Variants in ITGAE observed in about 807,000 individuals in gnomAD.
The protein encoded by ITGAE is integrin alpha-E.
Under a neutral mutation model 136.5 loss-of-function variants are expected in ITGAE, and 99 were observed. The ratio of observed to expected loss-of-function variants is 0.73; its 90% confidence interval spans 0.62 to 0.86. ITGAE has a LOEUF of 0.86. ITGAE is among the 40% of genes least tolerant of loss of function. The pLI is 0.00. For synonymous variants in ITGAE, 613 were observed against 591.8 expected (o/e 1.04, Z -0.52); for missense variants, 1,447 against 1,515.3 (o/e 0.95, Z 0.75).
chr17:3,784,858 A>C (rs1027120831), intron 1 of ITGAE, among the ~76,000 whole-genome samples: 13 of 152,242 alleles, frequency 8.5e-5, no homozygotes, highest in African/African-American at 3.1e-4. Flanking sequence ...GAGGTCCAGC[A>C]CAGTGGCTCG....
At chr17:3,787,726 C>T (rs1466034473) in intron 1 of ITGAE, among the ~76,000 whole-genome samples, 2 of 149,782 alleles carry the variant, frequency 1.3e-5, no homozygotes, top group Middle Eastern at 6.9e-3. Flanking sequence ...TTTGCTCCGT[C>T]GCCCAGGCTG....
chr17:3,788,456 A>ATTTTTTTTT (rs71155804), intron 1 of ITGAE, among the ~76,000 whole-genome samples: 2 of 103,260 alleles, frequency 1.9e-5, no homozygotes, highest in Non-Finnish European at 4.0e-5. Flanking sequence ...GACCTGACTA[A>ATTTTTTTTT]TTTTTTTTTT....
rs1398451545 is a variant in ITGAE at position 3,755,869 on chromosome 17, C to T, written c.1200G>A (p.Gln400=). The stretch of plus-strand genomic sequence containing the variant: ...GAGCACTGAAGCCAATCTGTGCCAG[C>T]TGGTAGTGAAGGGCGTCTCCAACCG... ...EGTVGDALHY[Q]LAQIGFSAQI... The change falls in exon 11 of 31, where the codon CAG becomes CAA. Residue 400 remains glutamine, a synonymous_variant. Transcript: ENST00000263087. 1 of 1,600,848 alleles carries T rather than the reference C, an allele frequency of 6.2e-7. No homozygotes were observed. The highest frequency in any genetic ancestry group is 1.7e-4 in the Middle Eastern group (1 of 5,904).
intron 1 of ITGAE, among the ~76,000 whole-genome samples, chr17:3,786,030 G>A (rs964111193): frequency 1.3e-5 from 2 of 151,918 alleles, no homozygotes; most frequent in Non-Finnish European, 2.9e-5. Context: ...AGCCGGGCGT[G>A]GTGGCGGGCG....
chr17:3,763,836 G>A (rs139815273), intron 3 of ITGAE, 33 bp downstream of exon 3: 1 of 1,551,804 alleles, frequency 6.4e-7, no homozygotes, highest in Non-Finnish European at 8.9e-7. Context: ...AGGGGGTCCT[G>A]GGGAGCATTC....
intron 1 of ITGAE, among the ~76,000 whole-genome samples, chr17:3,779,555 C>A (rs1478407066): frequency 6.6e-6 from 1 of 152,150 alleles, no homozygotes; most frequent in African/African-American, 2.4e-5. Context: ...TTTCGAACTC[C>A]TGACCTCAAG....
chr17:3,760,854 C>T (rs1228687983), intron 6 of ITGAE, among the ~76,000 whole-genome samples, 159 bp downstream of exon 6: 1 of 152,098 alleles, frequency 6.6e-6, no homozygotes, highest in East Asian at 1.9e-4. Context: ...AGTTTCCCCA[C>T]TTATAAGAAA....
intron 1 of ITGAE, among the ~76,000 whole-genome samples, chr17:3,788,394 G>GT (rs1489671059): frequency 6.7e-6 from 1 of 149,628 alleles, no homozygotes; most frequent in Non-Finnish European, 1.5e-5. Flanking sequence ...GGCTCAAGTG[G>GT]TTTTCCTGCC....
At chr17:3,751,619 A>C in intron 15 of ITGAE, 31 bp downstream of exon 15, 3 of 1,587,394 alleles carry the variant, frequency 1.9e-6, no homozygotes, top group Non-Finnish European at 2.6e-6. Context: ...AGAGCCCCAG[A>C]GGAGAGGAAG....
At chr17:3,771,439 G>A (rs1055090984) in intron 2 of ITGAE, among the ~76,000 whole-genome samples, 8 of 152,128 alleles carry the variant, frequency 5.3e-5, no homozygotes, top group Non-Finnish European at 7.3e-5. Flanking sequence ...CCTAGGCGCC[G>A]CAGCTCACGT....
intron 9 of ITGAE, 99 bp downstream of exon 9, chr17:3,757,607 G>C (rs983503686): frequency 3.1e-6 from 4 of 1,293,816 alleles, no homozygotes; most frequent in Admixed American, 2.0e-5. Flanking sequence ...ACAGGGTCTG[G>C]ATAAGCTGCT....
intron 26 of ITGAE, 59 bp downstream of exon 26, chr17:3,727,860 T>G: frequency 9.3e-7 from 1 of 1,072,372 alleles, no homozygotes; most frequent in South Asian, 1.3e-5. Flanking sequence ...TTTTTATACT[T>G]GAGACTCTGT....
intron 16 of ITGAE, among the ~76,000 whole-genome samples, chr17:3,750,026 CA>C (rs1224688470): frequency 6.6e-6 from 1 of 151,844 alleles, no homozygotes; most frequent in Non-Finnish European, 1.5e-5. Flanking sequence ...AGAAAAAAAA[CA>C]AAAAACAAAA....
At position 3,723,714 on chromosome 17, in the gene ITGAE, G is replaced by C; in HGVS notation, c.3115C>G (p.Arg1039Gly). 1.2e-6 allele frequency: 2 copies of C among 1,604,510 alleles called. No homozygotes were observed. The highest frequency in any genetic ancestry group is 2.7e-5 in the African/African-American group (2 of 74,934). The change falls in exon 27 of 31, where the codon CGC becomes GGC. Residue 1039 changes from arginine to glycine, a missense_variant. Physicochemically the swap from Arg to Gly is moderately radical, Grantham distance 125. This residue lies in a region of ITGAE where 1,031 missense variants were observed against 1,011.4 expected (regional missense o/e 1.02). Coordinates refer to ENST00000263087, the MANE Select transcript of ITGAE (RefSeq NM_002208.5). ...TGAACCGAACTGTACGCACAAGCGC[G>C]CTCCTGACTCCAGGTGCACACCGTG... The part of the protein sequence containing the change: ...ASTVCTWSQE[R>G]ACAYSSVQHV...
At position 3,793,467 on chromosome 17, in the gene ITGAE, C is replaced by T. The variant is rs1024153057; in HGVS notation, c.34+7644G>A. ...CAGTTCAAGTGATTCTCCTGTCTCA[C>T]GTGGGCCCTGGGGCCGGAGCCCAGA... is the stretch of plus-strand genomic sequence containing the variant. On this transcript the variant is annotated intron_variant, in intron 1 of 30. Transcript: ENST00000263087. 5.9e-5 allele frequency among the ~76,000 whole-genome samples: 9 copies of T among 152,218 alleles called. 1 individual carries two copies. In the South Asian group the frequency reaches 1.0e-3, roughly 18 times the overall value.
At chr17:3,769,770 G>A (rs1050370039) in intron 2 of ITGAE, among the ~76,000 whole-genome samples, 2 of 152,084 alleles carry the variant, frequency 1.3e-5, no homozygotes, top group African/African-American at 4.8e-5. Context: ...TGCAACCTCC[G>A]CCTCCCTGGT....
chr17:3,749,569 C>A, intron 16 of ITGAE, among the ~76,000 whole-genome samples: 1 of 151,998 alleles, frequency 6.6e-6, no homozygotes, highest in Non-Finnish European at 1.5e-5. Flanking sequence ...TGTTTTTAGA[C>A]GTGTTCACTT....
At chr17:3,751,987 G>A (rs1179985907) in intron 14 of ITGAE, 113 bp from the exon 15 acceptor site, 2 of 884,414 alleles carry the variant, frequency 2.3e-6, no homozygotes, top group African/African-American at 1.7e-5. Context: ...TTGCCACCCA[G>A]GATGCACGCT....
intron 12 of ITGAE, chr17:3,754,837 C>T: frequency 2.4e-6 from 1 of 423,156 alleles, no homozygotes; most frequent in Non-Finnish European, 4.3e-6. Context: ...ACCCTCCTCA[C>T]GTAACTTCCA....
Sources: allele counts gnomAD v4.1 joint callset (sites outside exome capture counted in the v4.1 genomes callset), GRCh38; gene constraint gnomAD v4.1.1; regional missense constraint gnomAD v4.1.1; transcripts MANE v1.5; gene names NCBI Gene and HGNC (gene_info 2026-07-23, HGNC 2026-07-21).